ADGRA3: variants seen among roughly 807,000 people sequenced by gnomAD.
The protein encoded by ADGRA3 is G-protein coupled receptor 125.
In ADGRA3, 56 loss-of-function variants were observed where a neutral mutation model predicts 119.8. The ratio of observed to expected loss-of-function variants is 0.47; its 90% CI spans 0.38 to 0.58. The LOEUF (loss-of-function observed/expected upper bound fraction) is 0.58. Among genes scored for constraint, ADGRA3 ranks in the 20% least tolerant of loss-of-function variants. The pLI is 0.00. For synonymous variants in ADGRA3, 607 were observed against 623.8 expected, an observed-to-expected ratio of 0.97 and a Z score of 0.40; for missense variants, 1,516 against 1,649.0, an observed-to-expected ratio of 0.92 and a Z score of 1.40.
At chr4:22,443,419 CA>C (rs1180567558) in intron 6 of ADGRA3, among the ~76,000 whole-genome samples, 1 of 151,972 alleles carries the variant, frequency 6.6e-6, no homozygotes, top group Non-Finnish European at 1.5e-5. Context: ...AAAATGTACA[CA>C]AATGACACTA....
intron 16 of ADGRA3, chr4:22,393,890 G>A (rs1714241223): frequency 6.6e-6 from 1 of 152,086 alleles, no homozygotes. Flanking sequence ...AGTAAGTATA[G>A]GATAACTGCA....
At chr4:22,444,156 G>A (rs1368997328) in intron 6 of ADGRA3, among the ~76,000 whole-genome samples, 1 of 152,068 alleles carries the variant, frequency 6.6e-6, no homozygotes, top group Non-Finnish European at 1.5e-5. Context: ...TATGTCACAA[G>A]TAATTAAACC....
rs58603767 is a variant in ADGRA3, at chr4:22,450,947, A to T, written c.474-3436T>A. 1.8e-3 allele frequency among the ~76,000 whole-genome samples: 241 copies of T among 134,276 alleles called. 2 individuals carry two copies. Among genetic ancestry groups the T allele is most frequent in the Middle Eastern group, 7.9e-3 (2 of 254 alleles). 88.1% of individuals were successfully genotyped at this position (134,276 alleles called of 152,430 possible). A position where few individuals can be genotyped will look rare whatever the true frequency, so the allele number is the denominator to read the frequency against. ...TTCTGGATATAACAGAAAAAAAAAA[A>T]AAAAATATATATATATATATATATA... On this transcript the variant is annotated intron_variant, in intron 4 of 18. Coordinates refer to ENST00000334304, the MANE Select transcript of ADGRA3 (RefSeq NM_145290.4).
intron 4 of ADGRA3, among the ~76,000 whole-genome samples, chr4:22,448,061 C>A (rs1206711629): frequency 6.6e-6 from 1 of 152,068 alleles, no homozygotes; most frequent in Admixed American, 6.5e-5. Context: ...TCTAGTCTAT[C>A]CTGTGTTAGC....
At chr4:22,396,155 C>T (rs965651824) in intron 16 of ADGRA3, among the ~76,000 whole-genome samples, 2 of 152,160 alleles carry the variant, frequency 1.3e-5, no homozygotes, top group Non-Finnish European at 2.9e-5. Context: ...ACGGCCCTTG[C>T]ACTTCGTCAC....
chr4:22,390,256 A>G (rs1714056818), intron 17 of ADGRA3, among the ~76,000 whole-genome samples: 1 of 149,854 alleles, frequency 6.7e-6, no homozygotes, highest in Non-Finnish European at 1.5e-5. Flanking sequence ...TTGTTATCAA[A>G]TAACCCTATT....
rs553963747 is a variant in ADGRA3 at position 22,493,078 on chromosome 4, T to C, written c.258-19235A>G. ...TCCCTGTGATCAAGAAATCCTCCCA[T>C]CCCTGTCTCTCAAGTAGCTGGGACC... On this transcript the variant is annotated intron_variant, in intron 1 of 18. Transcript: ENST00000334304. Among the ~76,000 whole-genome samples, 3 of 152,226 alleles carry C rather than the reference T, an allele frequency of 2.0e-5. No individual in the cohort carries two copies. In the South Asian group the frequency reaches 6.2e-4, roughly 32 times the overall value.
chr4:22,511,256 A>G (rs1410672625), intron 1 of ADGRA3, among the ~76,000 whole-genome samples: 7 of 152,198 alleles, frequency 4.6e-5, no homozygotes, highest in Non-Finnish European at 8.8e-5. Flanking sequence ...AAGATTTAAT[A>G]TAAATCACAG....
chr4:22,447,648 G>A lies in ADGRA3; in HGVS notation c.474-137C>T. On this transcript the variant is annotated intron_variant, in intron 4 of 18. Transcript: ENST00000334304. ...ATGAAAGTTTCAATGCTTATAAAGAGGGAGCGATTAGAAAACACTTCCTCC... is the reference window on the plus strand; with the variant it reads ...ATGAAAGTTTCAATGCTTATAAAGAAGGAGCGATTAGAAAACACTTCCTCC... 5 of 509,702 alleles carry A rather than the reference G, an allele frequency of 9.8e-6. 1 individual carries two copies. The highest frequency in any genetic ancestry group is 1.7e-5 in the Non-Finnish European group (5 of 290,906). The allele number at this position is 509,702 out of a possible 1,614,324, so 31.6% of individuals were successfully genotyped here. A position where few individuals can be genotyped will look rare whatever the true frequency, so the allele number is the denominator to read the frequency against.
chr4:22,442,993 T>C lies in ADGRA3; in HGVS notation c.707-130A>G, dbSNP rs1390229407. On this transcript the variant is annotated intron_variant, in intron 6 of 18. Coordinates refer to ENST00000334304, the MANE Select transcript of ADGRA3 (RefSeq NM_145290.4). The stretch of plus-strand genomic sequence containing the variant: ...TATTCCTCAATAATCAGCATGCTAC[T>C]GCTAGTATCAACCAGGCTGCTACTG... 2.5e-5 allele frequency: 18 copies of C among 727,964 alleles called. 1 individual carries two copies. The highest frequency in any genetic ancestry group is 4.3e-5 in the Non-Finnish European group (18 of 417,440). The allele number at this position is 727,964 out of a possible 1,614,324, so 45.1% of individuals were successfully genotyped here.
At chr4:22,412,810 G>A (rs1052815312) in intron 14 of ADGRA3, among the ~76,000 whole-genome samples, 1 of 152,134 alleles carries the variant, frequency 6.6e-6, no homozygotes, top group African/African-American at 2.4e-5. Context: ...TTGCAAAGTA[G>A]GAAAATGTTC....
At chr4:22,439,565 G>A (rs987881577) in intron 7 of ADGRA3, among the ~76,000 whole-genome samples, 13 of 152,188 alleles carry the variant, frequency 8.5e-5, no homozygotes, top group Non-Finnish European at 1.5e-4. Context: ...ATCATTGACG[G>A]CTACAGCAAA....
At position 22,392,385 on chromosome 4, in the gene ADGRA3, G is replaced by A. The variant is rs539002908; in HGVS notation, c.2627+160C>T. On this transcript the variant is annotated intron_variant, in intron 17 of 18. Coordinates refer to ENST00000334304, the MANE Select transcript of ADGRA3 (RefSeq NM_145290.4). ...GGGTACAGAAGTTGTCTGAGGACTC[G>A]CAGCGGGAAGGATGCCTGAGCCATT... 3.9e-5 allele frequency among the ~76,000 whole-genome samples: 6 copies of A among 152,288 alleles called. No individual in the cohort carries two copies. In the South Asian group the frequency reaches 6.2e-4, roughly 16 times the overall value.
intron 7 of ADGRA3, among the ~76,000 whole-genome samples, chr4:22,440,629 T>C (rs1716574349): frequency 6.6e-6 from 1 of 152,212 alleles, no homozygotes; most frequent in Admixed American, 6.5e-5. Context: ...AATTTAAGCA[T>C]GACTTGCAGA....
At chr4:22,402,190 G>A (rs1413734489) in intron 15 of ADGRA3, among the ~76,000 whole-genome samples, 3 of 152,028 alleles carry the variant, frequency 2.0e-5, no homozygotes, top group East Asian at 3.8e-4. Flanking sequence ...AGTTTCTATA[G>A]CTTTGCCTCC....
chr4:22,409,426 T>A (rs1003763378), intron 14 of ADGRA3, among the ~76,000 whole-genome samples: 1 of 152,146 alleles, frequency 6.6e-6, no homozygotes, highest in Non-Finnish European at 1.5e-5. Flanking sequence ...AAAGGAGACT[T>A]AGCAGAGGGA....
intron 1 of ADGRA3, among the ~76,000 whole-genome samples, chr4:22,492,752 T>C (rs1718674987): frequency 6.6e-6 from 1 of 152,190 alleles, no homozygotes; most frequent in Non-Finnish European, 1.5e-5. Flanking sequence ...ACAGTAACAG[T>C]AGGCATACAA....
chr4:22,515,258 G>A (rs528006874), intron 1 of ADGRA3: 2 of 284,554 alleles, frequency 7.0e-6, no homozygotes, highest in African/African-American at 2.2e-5. Flanking sequence ...GCCCAAAAGC[G>A]CTGCGCCGGG....
At chr4:22,465,329 T>C (rs1235964159) in intron 2 of ADGRA3, among the ~76,000 whole-genome samples, 2 of 152,102 alleles carry the variant, frequency 1.3e-5, no homozygotes, top group Admixed American at 1.3e-4. Flanking sequence ...TTGTGCAGAT[T>C]TTTCAAATAC....
Sources: allele counts gnomAD v4.1 joint callset (sites outside exome capture counted in the v4.1 genomes callset), GRCh38; gene constraint gnomAD v4.1.1; transcripts MANE v1.5; gene names NCBI Gene and HGNC (gene_info 2026-07-23, HGNC 2026-07-21).